The following RAB7A variants were observed in gnomAD, a reference collection of about 807,000 sequenced individuals.
The protein encoded by RAB7A is ras-related protein Rab-7a.
RAB7A carries 2 observed loss-of-function variants against 24.5 expected under a neutral mutation model. The observed-to-expected ratio is 0.08, with a 90% CI of 0.03 to 0.26. RAB7A has a LOEUF of 0.26. Among genes scored for constraint, RAB7A ranks in the 10% least tolerant of loss-of-function variants. The pLI, the probability that RAB7A is intolerant of heterozygous loss-of-function variation, is 1.00. For synonymous variants in RAB7A, 100 were observed against 95.9 expected (o/e 1.04, Z -0.25); for missense variants, 118 against 255.7 (o/e 0.46, Z 3.67).
At chr3:128,771,866 T>C (rs556664805) in intron 1 of RAB7A, among the ~76,000 whole-genome samples, 7 of 152,320 alleles carry the variant, frequency 4.6e-5, no homozygotes, top group African/African-American at 1.7e-4. Context: ...TGACCAACCT[T>C]TGTGTAACCA....
At chr3:128,743,271 C>T (rs1041232749) in intron 1 of RAB7A, among the ~76,000 whole-genome samples, 13 of 152,346 alleles carry the variant, frequency 8.5e-5, no homozygotes, top group South Asian at 2.1e-4. Context: ...CCGCGAGTGC[C>T]GCGCGCAGCC....
intron 1 of RAB7A, among the ~76,000 whole-genome samples, chr3:128,763,075 T>A (rs1208562258): frequency 6.6e-6 from 1 of 151,632 alleles, no homozygotes; most frequent in Non-Finnish European, 1.5e-5. Flanking sequence ...CCTAACAGAG[T>A]GTCCCACATT....
intron 1 of RAB7A, among the ~76,000 whole-genome samples, chr3:128,742,876 C>T (rs996236506): frequency 7.2e-5 from 11 of 152,252 alleles, no homozygotes; most frequent in East Asian, 3.8e-4. Context: ...TAGCGGATCC[C>T]GTGCCAGGGC....
At chr3:128,770,612 C>G (rs2070876073) in intron 1 of RAB7A, among the ~76,000 whole-genome samples, 1 of 152,168 alleles carries the variant, frequency 6.6e-6, no homozygotes, top group Non-Finnish European at 1.5e-5. Context: ...AGTACATCAT[C>G]AGTTGTTCAG....
chr3:128,807,969 C>T (rs1254286931), intron 5 of RAB7A, among the ~76,000 whole-genome samples: 2 of 152,072 alleles, frequency 1.3e-5, no homozygotes, highest in Admixed American at 6.5e-5. Flanking sequence ...TGGGAGACCC[C>T]GAACAGATTG....
intron 5 of RAB7A, 147 bp from the exon 6 acceptor site, chr3:128,813,180 T>TA (rs1232125393): frequency 8.7e-6 from 7 of 805,040 alleles, no homozygotes; most frequent in Non-Finnish European, 1.5e-5. Context: ...AGCGCTCCCT[T>TA]AACTGTGTGG....
chr3:128,744,231 A>C (rs1437392780), intron 1 of RAB7A, among the ~76,000 whole-genome samples: 1 of 152,148 alleles, frequency 6.6e-6, no homozygotes, highest in Admixed American at 6.6e-5. Context: ...CCACTGGGTG[A>C]CAGAGTGAGA....
chr3:128,802,769 G>A (rs949797226), intron 3 of RAB7A, among the ~76,000 whole-genome samples: 7 of 150,702 alleles, frequency 4.6e-5, no homozygotes, highest in Non-Finnish European at 8.8e-5. Flanking sequence ...AGCCTCCCAC[G>A]GCGCTGGGAT....
rs553152529 is a variant in RAB7A, at chr3:128,794,927, A to G, written c.-8-433A>G. Among the ~76,000 whole-genome samples the G allele has an allele frequency of 2.6e-5, 4 of 152,208 alleles. No homozygotes were observed. The South Asian group carries it at 8.3e-4, about 32-fold the overall frequency. The stretch of plus-strand genomic sequence containing the variant: ...AATTAGTGGTAAGTGCTCTGAAGGA[A>G]AAGCAAGCAGAGTAACGGGATAGAG... On this transcript the variant is annotated intron_variant, in intron 1 of 5. Transcript: ENST00000265062.
At chr3:128,736,643 A>C (rs938984994) in intron 1 of RAB7A, among the ~76,000 whole-genome samples, 1 of 152,178 alleles carries the variant, frequency 6.6e-6, no homozygotes, top group African/African-American at 2.4e-5. Flanking sequence ...CATACAGATA[A>C]ATTTAAATAC....
chr3:128,764,952 G>A lies in RAB7A; in HGVS notation c.-8-30408G>A, dbSNP rs186322240. The A allele has an allele frequency of 2.7e-4, 426 of 1,596,152 alleles. No homozygotes were observed. In the African/African-American group the frequency reaches 4.9e-3, roughly 18 times the overall value. On this transcript the variant is annotated intron_variant, in intron 1 of 5. Coordinates refer to ENST00000265062, the MANE Select transcript of RAB7A (RefSeq NM_004637.6). ...CGTAGAGCTCCAGGTTGATCTGGCC[G>A]TTGATGGCGGCCTCTGAGTCCTGGT...
chr3:128,740,159 C>CACGA (rs2070536393), intron 1 of RAB7A, among the ~76,000 whole-genome samples: 1 of 152,132 alleles, frequency 6.6e-6, no homozygotes, highest in South Asian at 2.1e-4. Context: ...ATGGGTGGAT[C>CACGA]ACGAGGTCAG....
At chr3:128,773,092 T>C (rs1433882422) in intron 1 of RAB7A, among the ~76,000 whole-genome samples, 1 of 146,430 alleles carries the variant, frequency 6.8e-6, no homozygotes, top group African/African-American at 2.6e-5. Flanking sequence ...GGCTGCCCAG[T>C]CTGGGAAGTG....
intron 3 of RAB7A, among the ~76,000 whole-genome samples, chr3:128,800,977 C>T (rs1196981901): frequency 6.6e-6 from 1 of 152,212 alleles, no homozygotes; most frequent in African/African-American, 2.4e-5. Flanking sequence ...TTATCCTGAT[C>T]TTGAGGAATC....
chr3:128,806,733 A>T, intron 4 of RAB7A, 143 bp downstream of exon 4: 1 of 876,194 alleles, frequency 1.1e-6, no homozygotes. Flanking sequence ...CCTTCAGGCC[A>T]ACTGCCTTTA....
intron 3 of RAB7A, 77 bp downstream of exon 3, chr3:128,798,146 T>C: frequency 6.5e-7 from 1 of 1,542,932 alleles, no homozygotes; most frequent in Non-Finnish European, 8.9e-7. Context: ...GCATAGACAT[T>C]TTCCTTCCCT....
chr3:128,804,575 T>C (rs1017573941), intron 3 of RAB7A, among the ~76,000 whole-genome samples: 5 of 152,370 alleles, frequency 3.3e-5, no homozygotes, highest in Admixed American at 1.3e-4. Context: ...TTTTGATAAA[T>C]ATGGCCTTTA....
intron 5 of RAB7A, among the ~76,000 whole-genome samples, chr3:128,812,886 C>T (rs539707997): frequency 2.6e-5 from 4 of 152,216 alleles, no homozygotes; most frequent in Non-Finnish European, 5.9e-5. Context: ...CACTTCACCT[C>T]GTGCACACAC....
chr3:128,729,438 C>T (rs532228414), intron 1 of RAB7A, among the ~76,000 whole-genome samples: 11 of 152,078 alleles, frequency 7.2e-5, no homozygotes, highest in Non-Finnish European at 1.5e-4. Flanking sequence ...GGCGTGGTGG[C>T]GGGCGCCTGT....
Sources: gnomAD v4.1 joint callset for allele counts (sites outside exome capture counted in the v4.1 genomes callset) on GRCh38, gnomAD v4.1.1 for gene constraint, MANE v1.5 for transcripts, NCBI Gene and HGNC (gene_info 2026-07-23, HGNC 2026-07-21) for gene names.